The following CLASP2 variants were observed in gnomAD, a reference collection of about 807,000 sequenced individuals.
CLASP2 encodes the protein cytoplasmic linker associated protein 2, also known as CLIP-associating protein 2.
CLASP2 carries 47 observed loss-of-function variants against 194.4 expected under a neutral mutation model. That is an observed-to-expected ratio of 0.24 (90% CI 0.19 to 0.31). CLASP2 has a LOEUF of 0.31. Among genes scored for constraint, CLASP2 ranks in the 10% least tolerant of loss-of-function variants. The pLI, the probability that CLASP2 is intolerant of heterozygous loss-of-function variation, is 1.00. For synonymous variants in CLASP2, 619 were observed against 633.5 expected (o/e 0.98, Z 0.34); for missense variants, 1,445 against 1,823.6 (o/e 0.79, Z 3.78).
intron 18 of CLASP2, among the ~76,000 whole-genome samples, chr3:33,597,909 C>A (rs1277767236): frequency 6.6e-6 from 1 of 151,930 alleles, no homozygotes; most frequent in Admixed American, 6.6e-5. Context: ...TGTGCCACCA[C>A]GCCTGGCTAA....
rs1239462320 is a variant in CLASP2 at position 33,516,148 on chromosome 3, T to C, written c.3985A>G (p.Thr1329Ala). The C allele has an allele frequency of 1.3e-5, 21 of 1,599,630 alleles. No individual in the cohort carries two copies. Among genetic ancestry groups the C allele is most frequent in the Non-Finnish European group, 1.8e-5 (21 of 1,174,986 alleles). The change falls in exon 36 of 39, where the codon ACA becomes GCA. Residue 1329 changes from threonine to alanine, a missense_variant. This residue lies in a region of CLASP2 where 732 missense variants were observed against 987.9 expected (regional missense o/e 0.74). Transcript: ENST00000682230. ...ACCTTTAATGCCAAAGCCCTGATTG[T>C]AGGCTAAGAAGAAACATTTAAATGT... ...LLETLGDKEP[T>A]IRALALKVLR...
chr3:33,502,327 G>A (rs1469722916), intron 37 of CLASP2: 1 of 152,224 alleles, frequency 6.6e-6, no homozygotes, highest in African/African-American at 2.4e-5. Context: ...AATAATAATT[G>A]TATATATTTA....
chr3:33,602,940 C>G lies in CLASP2; in HGVS notation c.1924+12G>C. ...AGAACATGGTACAATTTTCCATAAT[C>G]AGTTCTCTTACCTAGTGACGCATAG... On this transcript the variant is annotated intron_variant, in intron 18 of 38. Transcript: ENST00000682230. 1 of 1,604,244 alleles carries G rather than the reference C, an allele frequency of 6.2e-7. No homozygotes were observed. Among genetic ancestry groups the G allele is most frequent in the Non-Finnish European group, 8.5e-7 (1 of 1,174,888 alleles).
chr3:33,531,642 G>C (rs2056330716), intron 34 of CLASP2, among the ~76,000 whole-genome samples: 1 of 152,178 alleles, frequency 6.6e-6, no homozygotes, highest in Non-Finnish European at 1.5e-5. Flanking sequence ...AGGCATGGCG[G>C]TGCACACCTG....
chr3:33,616,816 C>T (rs1396771703), intron 12 of CLASP2, among the ~76,000 whole-genome samples: 2 of 146,016 alleles, frequency 1.4e-5, no homozygotes, highest in African/African-American at 5.1e-5. Context: ...CGGCTCACTG[C>T]AACCTCCCCC....
chr3:33,544,541 T>C (rs1306415809), intron 31 of CLASP2, among the ~76,000 whole-genome samples, 157 bp downstream of exon 31: 1 of 152,194 alleles, frequency 6.6e-6, no homozygotes, highest in East Asian at 1.9e-4. Context: ...GACTCTGTTC[T>C]TTCCAAGACA....
intron 6 of CLASP2, among the ~76,000 whole-genome samples, chr3:33,672,440 T>C (rs960464435): frequency 2.6e-5 from 4 of 152,100 alleles, no homozygotes; most frequent in Non-Finnish European, 4.4e-5. Context: ...CAAAAACCCA[T>C]CTGTACATCA....
chr3:33,632,466 A>G, intron 8 of CLASP2, 95 bp from the exon 9 acceptor site: 27 of 849,682 alleles, frequency 3.2e-5, no homozygotes, highest in Non-Finnish European at 4.7e-5. Context: ...TGATATCAAC[A>G]AAAGTATAAT....
chr3:33,511,689 G>A (rs986009273), intron 36 of CLASP2, among the ~76,000 whole-genome samples: 8 of 151,910 alleles, frequency 5.3e-5, no homozygotes, highest in African/African-American at 1.9e-4. Context: ...AATCTCTAAA[G>A]ATAGTCTTAA....
intron 30 of CLASP2, among the ~76,000 whole-genome samples, chr3:33,550,992 G>A (rs988859418): frequency 1.3e-5 from 2 of 152,202 alleles, no homozygotes; most frequent in African/African-American, 4.8e-5. Flanking sequence ...AATGCAAGGG[G>A]AATGATTTGA....
At chr3:33,687,984 C>A (rs568980013) in intron 4 of CLASP2, among the ~76,000 whole-genome samples, 1 of 152,164 alleles carries the variant, frequency 6.6e-6, no homozygotes, top group Non-Finnish European at 1.5e-5. Context: ...CAATCCAGAA[C>A]AGAAGTAGAT....
At position 33,538,841 on chromosome 3, in the gene CLASP2, T is replaced by C. The variant is rs1260827989; in HGVS notation, c.3506A>G (p.Glu1169Gly). 1.9e-6 allele frequency: 3 copies of C among 1,604,590 alleles called. No homozygotes were observed. Among genetic ancestry groups the C allele is most frequent in the Non-Finnish European group, 1.7e-6 (2 of 1,175,176 alleles). Residue 1169 changes from glutamate to glycine, a missense_variant, in exon 33 of 39, where the codon GAA (glutamate) becomes GGA (glycine). Around this residue, in one of 4 missense-constraint regions of CLASP2, gnomAD observed 732 missense variants for 987.9 expected, o/e 0.74. Coordinates refer to ENST00000682230, the MANE Select transcript of CLASP2 (RefSeq NM_001365631.1). Reference protein sequence around the residue: ...AIQNFSFRSQEDMNEPLKRDS... With the variant: ...AIQNFSFRSQGDMNEPLKRDS... ...CCTTTTCAATGGCTCATTCATATCTTCTTGGCTACGGAAGCTGAAATTCTG... is the reference window on the plus strand; with the variant it reads ...CCTTTTCAATGGCTCATTCATATCTCCTTGGCTACGGAAGCTGAAATTCTG...
intron 27 of CLASP2, among the ~76,000 whole-genome samples, chr3:33,561,662 A>T (rs1479688026): frequency 1.3e-5 from 2 of 152,156 alleles, no homozygotes; most frequent in Non-Finnish European, 2.9e-5. Flanking sequence ...ATATTAATCT[A>T]TTTGTTTTAA....
At chr3:33,690,979 A>G (rs952380266) in intron 2 of CLASP2, among the ~76,000 whole-genome samples, 1 of 152,126 alleles carries the variant, frequency 6.6e-6, no homozygotes, top group Non-Finnish European at 1.5e-5. Flanking sequence ...AGAGTGCACA[A>G]TCTAGATCCC....
At chr3:33,634,507 G>A (rs1193445713) in intron 8 of CLASP2, among the ~76,000 whole-genome samples, 1 of 152,200 alleles carries the variant, frequency 6.6e-6, no homozygotes, top group Admixed American at 6.5e-5. Context: ...CCTGCCAGAT[G>A]CAGTTTCTCA....
intron 22 of CLASP2, 99 bp downstream of exon 22, chr3:33,584,650 TA>T: frequency 1.9e-6 from 2 of 1,027,628 alleles, no homozygotes; most frequent in Non-Finnish European, 2.7e-6. Context: ...TTCTAATTTG[TA>T]AGTCCTAATT....
rs944057807 is a variant in CLASP2, at chr3:33,497,183, T to C, written c.*1448A>G. The C allele has an allele frequency of 1.6e-4, 24 of 152,538 alleles. No homozygotes were observed. Among genetic ancestry groups the C allele is most frequent in the Non-Finnish European group, 3.5e-4 (24 of 68,002 alleles). 9.4% of individuals were successfully genotyped at this position (152,538 alleles called of 1,614,324 possible). ...GGAAAGCCTATGACAAATCATCCAT[T>C]CAGTACTCTTGTCTTAAATTCTTTA... On this transcript the variant is annotated 3_prime_UTR_variant, in exon 39 of 39. Transcript: ENST00000682230.
At chr3:33,700,862 A>AC (rs2092330764) in intron 1 of CLASP2, among the ~76,000 whole-genome samples, 3 of 152,164 alleles carry the variant, frequency 2.0e-5, no homozygotes, top group Admixed American at 2.0e-4. Context: ...AAAAAATAAA[A>AC]CAAAACAAAC....
intron 34 of CLASP2, among the ~76,000 whole-genome samples, chr3:33,523,351 G>A (rs1399351436): frequency 6.6e-6 from 1 of 152,146 alleles, no homozygotes; most frequent in Admixed American, 6.5e-5. Flanking sequence ...CTCAAAGAGA[G>A]CCACATCAAG....
Sources: allele counts gnomAD v4.1 joint callset (sites outside exome capture counted in the v4.1 genomes callset), GRCh38; gene constraint gnomAD v4.1.1; regional missense constraint gnomAD v4.1.1; transcripts MANE v1.5; gene names NCBI Gene and HGNC (gene_info 2026-07-23, HGNC 2026-07-21).